The following PDE4D variants were observed in gnomAD, a reference collection of about 807,000 sequenced individuals.
PDE4D encodes the protein 3',5'-cyclic-AMP phosphodiesterase 4D.
Under a neutral mutation model 87.4 loss-of-function variants are expected in PDE4D, and 24 were observed. That is an observed-to-expected ratio of 0.27 (90% confidence interval 0.20 to 0.39). The LOEUF (loss-of-function observed/expected upper bound fraction) is 0.39. Among genes scored for constraint, PDE4D ranks in the 10% least tolerant of loss-of-function variants. The pLI, the probability that PDE4D is intolerant of heterozygous loss-of-function variation, is 1.00. For missense variants in PDE4D, 714 were observed against 1,041.0 expected, an observed-to-expected ratio of 0.69 and a Z score of 4.32; for synonymous variants, 384 against 383.2, an observed-to-expected ratio of 1.00 and a Z score of -0.02.
chr5:59,757,652 C>T (rs919245565), intron 1 of PDE4D, among the ~76,000 whole-genome samples: 3 of 152,172 alleles, frequency 2.0e-5, no homozygotes, highest in Non-Finnish European at 4.4e-5. Flanking sequence ...TGCTTAGTGA[C>T]TTGAACTAGC....
chr5:60,213,215 T>C (rs16877769), intron 1 of PDE4D, among the ~76,000 whole-genome samples: 4,335 of 152,304 alleles, frequency 0.028, 211 homozygotes, highest in African/African-American at 0.1. Context: ...ACCAGTTTCA[T>C]GTGCTCTAGT....
chr5:59,156,769 T>C (rs1780288041), intron 5 of PDE4D, among the ~76,000 whole-genome samples: 2 of 152,102 alleles, frequency 1.3e-5, no homozygotes, highest in South Asian at 4.1e-4. Context: ...TGTTTTGGTA[T>C]ATACAGCGAA....
chr5:59,066,464 G>T (rs1478839057), intron 5 of PDE4D, among the ~76,000 whole-genome samples: 1 of 152,090 alleles, frequency 6.6e-6, no homozygotes, highest in East Asian at 1.9e-4. Flanking sequence ...CAGTACATTT[G>T]GAAGCCTGCC....
At chr5:60,421,123 G>A (rs563087004) in intron 1 of PDE4D, among the ~76,000 whole-genome samples, 2 of 152,374 alleles carry the variant, frequency 1.3e-5, no homozygotes, top group African/African-American at 4.8e-5. Context: ...CTGAACAAAA[G>A]GCAGCAGAAG....
At chr5:59,794,493 C>T (rs983093122) in intron 1 of PDE4D, among the ~76,000 whole-genome samples, 1 of 152,046 alleles carries the variant, frequency 6.6e-6, no homozygotes, top group South Asian at 2.1e-4. Context: ...TCCCTCCCTC[C>T]CTCCTGCTTG....
At chr5:59,164,458 C>T (rs1262501783) in intron 5 of PDE4D, among the ~76,000 whole-genome samples, 1 of 152,158 alleles carries the variant, frequency 6.6e-6, no homozygotes, top group African/African-American at 2.4e-5. Flanking sequence ...TAATTCACTT[C>T]ATTTAATTCT....
At chr5:59,906,933 T>C (rs1379655616) in intron 3 of PDE4D, among the ~76,000 whole-genome samples, 1 of 152,152 alleles carries the variant, frequency 6.6e-6, no homozygotes, top group East Asian at 1.9e-4. Context: ...TGCACGTGAA[T>C]GTTCCTTGCA....
At chr5:60,175,313 A>C (rs1462226260) in intron 2 of PDE4D, among the ~76,000 whole-genome samples, 1 of 152,148 alleles carries the variant, frequency 6.6e-6, no homozygotes, top group African/African-American at 2.4e-5. Flanking sequence ...GAAATTACCT[A>C]TCTGATCTCA....
intron 2 of PDE4D, among the ~76,000 whole-genome samples, chr5:60,150,081 G>T (rs1325664704): frequency 2.0e-5 from 3 of 146,764 alleles, no homozygotes; most frequent in African/African-American, 7.5e-5. Flanking sequence ...CTAGTATATA[G>T]AATTATATAT....
At chr5:59,671,810 GAA>G (rs113705465) in intron 1 of PDE4D, among the ~76,000 whole-genome samples, 12 of 121,618 alleles carry the variant, frequency 9.9e-5, no homozygotes, top group South Asian at 2.5e-4. Flanking sequence ...CTGTCTCAAG[GAA>G]AAAAAAAAAA....
At chr5:60,320,865 A>G (rs1756185771) in intron 1 of PDE4D, among the ~76,000 whole-genome samples, 1 of 152,168 alleles carries the variant, frequency 6.6e-6, no homozygotes, top group African/African-American at 2.4e-5. Context: ...AAATCTCTAC[A>G]ATGAGAATTA....
rs1244354880 is a variant in PDE4D, at chr5:60,196,219, G to C, written c.-89-10532C>G. Among the ~76,000 whole-genome samples the C allele has an allele frequency of 2.0e-5, 3 of 151,730 alleles. No individual in the cohort carries two copies. In the East Asian group the frequency reaches 5.8e-4, roughly 29 times the overall value. The stretch of plus-strand genomic sequence containing the variant: ...ACTCTTTCAACGCTCACCTTGACCA[G>C]TATTTCAAAATGGCACAGTTCAGTC... On this transcript the variant is annotated intron_variant, in intron 1 of 16. Coordinates refer to the PDE4D transcript ENST00000502484.
In PDE4D at chr5:59,832,563, T is replaced by C. The variant is rs534250827; in HGVS notation, c.455+60605A>G. 1.4e-3 allele frequency among the ~76,000 whole-genome samples: 214 copies of C among 152,184 alleles called. 6 individuals carry two copies. In the South Asian group the frequency reaches 0.042, roughly 30 times the overall value. ...GCTTCTACAGAATATGTTTAGACAA[T>C]ATATGTAGGATATATATGTGTAAGT... On this transcript the variant is annotated intron_variant, in intron 1 of 14. Transcript: ENST00000340635.
Position 59,768,307 on chromosome 5 carries a change from C to A in PDE4D, c.455+124861G>T, listed in dbSNP as rs368415022. 84 of 1,598,198 alleles carry A rather than the reference C, an allele frequency of 5.3e-5. No homozygotes were observed. The African/African-American group carries it at 8.9e-4, about 17-fold the overall frequency. Reference sequence around the variant, plus strand: ...GATGTTGCTGCTGAGAAGCATTCTGCGCAGAAGCCTGGGGGAATTTCTCGG... The same window carrying A: ...GATGTTGCTGCTGAGAAGCATTCTGAGCAGAAGCCTGGGGGAATTTCTCGG... On this transcript the variant is annotated intron_variant, in intron 1 of 14. Transcript: ENST00000340635.
chr5:59,266,796 A>G lies in PDE4D; in HGVS notation c.456-50828T>C, dbSNP rs114623869. Among the ~76,000 whole-genome samples, 783 of 152,226 alleles carry G rather than the reference A, an allele frequency of 5.1e-3. 3 individuals carry two copies. The highest frequency in any genetic ancestry group is 8.8e-3 in the Non-Finnish European group (597 of 68,002). On this transcript the variant is annotated intron_variant, in intron 1 of 14. Transcript: ENST00000340635. The stretch of plus-strand genomic sequence containing the variant: ...GCTTGTTGACTACTTTTCTAATACC[A>G]TGAAACAGAACTATGTGTAGCCAAA...
chr5:59,257,025 G>A (rs879915610), intron 1 of PDE4D, among the ~76,000 whole-genome samples: 3 of 152,130 alleles, frequency 2.0e-5, no homozygotes, highest in African/African-American at 2.4e-5. Context: ...GGGGGGATGA[G>A]CATAGAATAA....
intron 1 of PDE4D, among the ~76,000 whole-genome samples, chr5:60,472,234 T>G (rs1747867834): frequency 6.6e-6 from 1 of 152,196 alleles, no homozygotes; most frequent in Non-Finnish European, 1.5e-5. Context: ...ACAATGATCC[T>G]GTGAGGGAAA....
chr5:60,327,349 T>G (rs1440106933), intron 1 of PDE4D, among the ~76,000 whole-genome samples: 1 of 152,184 alleles, frequency 6.6e-6, no homozygotes, highest in African/African-American at 2.4e-5. Context: ...TTCTTCTGGC[T>G]ATGACTCCTT....
At chr5:59,825,091 G>A (rs1263197909) in intron 1 of PDE4D, among the ~76,000 whole-genome samples, 5 of 152,218 alleles carry the variant, frequency 3.3e-5, no homozygotes, top group East Asian at 1.9e-4. Context: ...TGGTCTCTGC[G>A]TGTCAATTGG....
Sources: allele counts gnomAD v4.1 joint callset (sites outside exome capture counted in the v4.1 genomes callset), GRCh38; gene constraint gnomAD v4.1.1; transcripts MANE v1.5; gene names NCBI Gene and HGNC (gene_info 2026-07-23, HGNC 2026-07-21).